SPRYD7: variants seen among roughly 807,000 people sequenced by gnomAD.
SPRYD7 encodes SPRY domain containing 7.
In SPRYD7, 14 loss-of-function variants were observed where a neutral mutation model predicts 23.8. That is an observed-to-expected ratio of 0.59 (90% CI 0.39 to 0.92). The LOEUF is 0.92. Ranked by LOEUF, SPRYD7 falls within the 40% of genes least tolerant of loss-of-function variation. The probability of loss-of-function intolerance (pLI) is 0.00; values close to 1 mark genes in which losing one functional copy is unlikely to be tolerated. For synonymous variants in SPRYD7, 75 were observed against 84.9 expected, an observed-to-expected ratio of 0.88 and a Z score of 0.64; for missense variants, 194 against 241.7, an observed-to-expected ratio of 0.80 and a Z score of 1.31.
chr13:49,934,428 G>A (rs942220785), intron 1 of SPRYD7, among the ~76,000 whole-genome samples: 103 of 151,808 alleles, frequency 6.8e-4, no homozygotes, highest in African/African-American at 2.3e-3. Flanking sequence ...GATGGTGGGC[G>A]CCTGTAATCC....
intron 3 of SPRYD7, among the ~76,000 whole-genome samples, chr13:49,925,681 G>A (rs1212972876): frequency 2.0e-5 from 3 of 151,390 alleles, no homozygotes; most frequent in Admixed American, 1.3e-4. Context: ...TCGTGGTGGC[G>A]GGCGCCTGTA....
Position 49,927,993 on chromosome 13 carries a change from C to T in SPRYD7, c.316G>A (p.Gly106Arg), listed in dbSNP as rs771147521. ...TCTTCATTGTTGTGGTAAAGGGCTC[C>T]ATCATTTCTCATCACCAGACTGTGC... is the stretch of plus-strand genomic sequence containing the variant. Reference protein sequence around the residue: ...DMHSLVMRNDGALYHNNEEKN... With the variant: ...DMHSLVMRNDRALYHNNEEKN... Residue 106 changes from glycine (G) to arginine (R), a missense_variant, in exon 3 of 5, where the codon GGA (glycine) becomes AGA (arginine). Coordinates refer to ENST00000361840, the MANE Select transcript of SPRYD7 (RefSeq NM_020456.4). The T allele has an allele frequency of 6.2e-7, 1 of 1,614,192 alleles. No individual in the cohort carries two copies. Among genetic ancestry groups the T allele is most frequent in the Non-Finnish European group, 8.5e-7 (1 of 1,180,032 alleles).
intron 4 of SPRYD7, among the ~76,000 whole-genome samples, chr13:49,919,895 A>G (rs1420276660): frequency 6.6e-6 from 1 of 152,030 alleles, no homozygotes; most frequent in African/African-American, 2.4e-5. Context: ...ATTTGCCTCA[A>G]AATAACCCAA....
chr13:49,919,634 C>G (rs1004585405), intron 4 of SPRYD7, among the ~76,000 whole-genome samples: 1 of 145,544 alleles, frequency 6.9e-6, no homozygotes, highest in Non-Finnish European at 1.5e-5. Flanking sequence ...GGCTGAGGCA[C>G]GAGAATATCT....
intron 2 of SPRYD7, among the ~76,000 whole-genome samples, chr13:49,928,909 T>C (rs1442714654): frequency 1.3e-5 from 2 of 152,180 alleles, no homozygotes; most frequent in African/African-American, 2.4e-5. Flanking sequence ...ACAAACAATA[T>C]ATACCATAAG....
intron 1 of SPRYD7, 57 bp from the exon 2 acceptor site, chr13:49,931,191 C>CT (rs1675753822): frequency 2.5e-6 from 3 of 1,211,496 alleles, no homozygotes; most frequent in Admixed American, 3.9e-5. Context: ...CTTTTCTTTT[C>CT]TTTTTTGAGA....
rs1323562386 is a variant in SPRYD7 at position 49,914,626 on chromosome 13, A to G, written c.*437T>C. 1 of 152,626 alleles carries G rather than the reference A, an allele frequency of 6.6e-6. No homozygotes were observed. The highest frequency in any genetic ancestry group is 1.9e-4 in the East Asian group (1 of 5,210). The allele number at this position is 152,626 out of a possible 1,614,324, so 9.5% of individuals were successfully genotyped here. ...ATATAAATTTCTCTCACTTTGTTATATTGTATATAAAAAAGGACACTAAGC... is the reference window on the plus strand; with the variant it reads ...ATATAAATTTCTCTCACTTTGTTATGTTGTATATAAAAAAGGACACTAAGC... On this transcript the variant is annotated 3_prime_UTR_variant, in exon 5 of 5. Coordinates refer to ENST00000361840, the MANE Select transcript of SPRYD7 (RefSeq NM_020456.4).
At chr13:49,927,570 T>C (rs1955896595) in intron 3 of SPRYD7, among the ~76,000 whole-genome samples, 1 of 151,888 alleles carries the variant, frequency 6.6e-6, no homozygotes, top group East Asian at 1.9e-4. Flanking sequence ...AAATAACTAG[T>C]ATTTTCTAAT....
intron 4 of SPRYD7, 117 bp from the exon 5 acceptor site, chr13:49,915,277 A>C (rs1352542042): frequency 2.1e-5 from 9 of 424,430 alleles, no homozygotes; most frequent in Admixed American, 4.3e-5. Flanking sequence ...AATAGGTAAG[A>C]AGAATAAATA....
intron 1 of SPRYD7, 86 bp downstream of exon 1, chr13:49,936,038 GCAGCGT>G: frequency 1.3e-6 from 1 of 741,516 alleles, no homozygotes; most frequent in East Asian, 3.5e-5. Flanking sequence ...GCGCGGCGGG[GCAGCGT>G]GGGGACCCTC....
Position 49,921,512 on chromosome 13 carries a change from T to C in SPRYD7, c.459A>G (p.Ser153=). The C allele has an allele frequency of 6.2e-7, 1 of 1,613,210 alleles. No individual in the cohort carries two copies. Among genetic ancestry groups the C allele is most frequent in the Non-Finnish European group, 8.5e-7 (1 of 1,179,268 alleles). Reference sequence around the variant, plus strand: ...CTGGATACACTGTCCCTCGTATACCTGATGCTGGACAATGCATGTTTTTTC... The same window carrying C: ...CTGGATACACTGTCCCTCGTATACCCGATGCTGGACAATGCATGTTTTTTC... The part of the protein sequence containing the change: ...LNGKNMHCPA[S]GIRGTVYPVV... Residue 153 remains serine (S), a synonymous_variant, in exon 4 of 5, where the codon TCA becomes TCG. Coordinates refer to ENST00000361840, the MANE Select transcript of SPRYD7 (RefSeq NM_020456.4).
chr13:49,928,073 A>G lies in SPRYD7; in HGVS notation c.236T>C (p.Ile79Thr). The G allele has an allele frequency of 6.2e-7, 1 of 1,613,954 alleles. No individual in the cohort carries two copies. The highest frequency in any genetic ancestry group is 8.5e-7 in the Non-Finnish European group (1 of 1,179,912). Reference sequence around the variant, plus strand: ...GTTAACCTTCTGAGTTGCAACACCAATACCCCAGATTCCTAAAAATATAAC... The same window carrying G: ...GTTAACCTTCTGAGTTGCAACACCAGTACCCCAGATTCCTAAAAATATAAC... ...FKIQSTGIWG[I>T]GVATQKVNLN... The change falls in exon 3 of 5, where the codon ATT becomes ACT. Residue 79 changes from isoleucine (I) to threonine (T), a missense_variant. Ile to Thr is a moderately conservative substitution (Grantham distance 89, BLOSUM62 -1). Coordinates refer to ENST00000361840, the MANE Select transcript of SPRYD7 (RefSeq NM_020456.4).
intron 3 of SPRYD7, among the ~76,000 whole-genome samples, chr13:49,927,083 A>G (rs1275088971): frequency 6.6e-6 from 1 of 152,200 alleles, no homozygotes; most frequent in Non-Finnish European, 1.5e-5. Flanking sequence ...TTCTACGATC[A>G]AGCTTTAGGA....
At chr13:49,928,140 T>C in intron 2 of SPRYD7, 55 bp from the exon 3 acceptor site, 1 of 1,512,136 alleles carries the variant, frequency 6.6e-7, no homozygotes, top group Middle Eastern at 1.8e-4. Flanking sequence ...AACCATCGAG[T>C]TATTTTAAAA....
At chr13:49,931,470 G>A (rs1046595771) in intron 1 of SPRYD7, among the ~76,000 whole-genome samples, 5 of 152,010 alleles carry the variant, frequency 3.3e-5, no homozygotes, top group Admixed American at 6.6e-5. Context: ...GTGAAGCACC[G>A]CGCCTGGCCA....
Position 49,913,621 on chromosome 13 carries a change from C to CAAGCCATT in SPRYD7, c.*1434_*1441dup, listed in dbSNP as rs1485431377. On this transcript the variant is annotated 3_prime_UTR_variant, in exon 5 of 5. Transcript: ENST00000361840. ...CACTGCAAGCGCCGTCTCCCGGGTT[C>CAAGCCATT]AAGCCATTCTCCTGCCTCAGCCTCC... is the stretch of plus-strand genomic sequence containing the variant. The CAAGCCATT allele has an allele frequency of 6.6e-6, 1 of 151,950 alleles. No individual in the cohort carries two copies. The highest frequency in any genetic ancestry group is 1.5e-5 in the Non-Finnish European group (1 of 68,012). The allele number at this position is 151,950 out of a possible 1,614,324, so 9.4% of individuals were successfully genotyped here.
rs78297809 is a variant in SPRYD7 at position 49,918,354 on chromosome 13, A to G, written c.493+3124T>C. On this transcript the variant is annotated intron_variant, in intron 4 of 4. Coordinates refer to ENST00000361840, the MANE Select transcript of SPRYD7 (RefSeq NM_020456.4). ...TGGGATTACAGGCATGAGTCATTGCACCAGTGCTGCTTTTATAGTAAACTA... is the reference window on the plus strand; with the variant it reads ...TGGGATTACAGGCATGAGTCATTGCGCCAGTGCTGCTTTTATAGTAAACTA... Among the ~76,000 whole-genome samples the G allele has an allele frequency of 4.6e-3, 691 of 150,676 alleles. 3 individuals are homozygous for G. Among genetic ancestry groups the G allele is most frequent in the Admixed American group, 0.022 (333 of 15,150 alleles).
intron 1 of SPRYD7, among the ~76,000 whole-genome samples, chr13:49,935,170 C>T (rs563470621): frequency 3.9e-5 from 6 of 152,138 alleles, no homozygotes; most frequent in South Asian, 2.1e-4. Flanking sequence ...GGAAACTGGG[C>T]GAGAGAGTTT....
At chr13:49,921,231 C>T (rs148350788) in intron 4 of SPRYD7, among the ~76,000 whole-genome samples, 18 of 152,244 alleles carry the variant, frequency 1.2e-4, no homozygotes, top group Middle Eastern at 3.4e-3. Flanking sequence ...GGGGCTTTCC[C>T]CAACTTCGCT....
Sources: allele counts gnomAD v4.1 joint callset (sites outside exome capture counted in the v4.1 genomes callset), GRCh38; gene constraint gnomAD v4.1.1; transcripts MANE v1.5; gene names NCBI Gene and HGNC (gene_info 2026-07-23, HGNC 2026-07-21).